The following TRPM7 variants were observed in gnomAD, a reference collection of about 807,000 sequenced individuals.
The protein encoded by TRPM7 is LTRPC ion channel family member 7.
TRPM7 carries 134 observed loss-of-function variants against 229.7 expected under a neutral mutation model. The observed-to-expected ratio is 0.58, with a 90% CI of 0.51 to 0.67. The LOEUF (loss-of-function observed/expected upper bound fraction) is 0.67, where lower values mean the gene tolerates loss of function less well. Ranked by LOEUF, TRPM7 falls within the 30% of genes least tolerant of loss-of-function variation. The pLI, the probability that TRPM7 is intolerant of heterozygous loss-of-function variation, is 0.00. For synonymous variants in TRPM7, 699 were observed against 715.2 expected (o/e 0.98, Z 0.36); for missense variants, 1,901 against 2,210.0 (o/e 0.86, Z 2.80).
Position 50,609,732 on chromosome 15 carries a change from TAAAAA to T in TRPM7, c.2437-13_2437-9del, listed in dbSNP as rs35281039. 2 of 1,381,178 alleles carry T rather than the reference TAAAAA, an allele frequency of 1.4e-6. No homozygotes were observed. The highest frequency in any genetic ancestry group is 2.9e-5 in the African/African-American group (2 of 67,818). The allele number at this position is 1,381,178 out of a possible 1,614,324, so 85.6% of individuals were successfully genotyped here. A position where few individuals can be genotyped will look rare whatever the true frequency, so the allele number is the denominator to read the frequency against. ...TACTTCTTTAAACACTTCCTAAAAT[TAAAAA>T]AAAAAAAATTCTTTTGTACAATTAT... is the stretch of plus-strand genomic sequence containing the variant. On this transcript the variant is annotated splice_polypyrimidine_tract_variant and intron_variant, in intron 18 of 38. Coordinates refer to ENST00000646667, the MANE Select transcript of TRPM7 (RefSeq NM_017672.6).
At chr15:50,617,679 T>C (rs989848907) in intron 13 of TRPM7, among the ~76,000 whole-genome samples, 7 of 152,106 alleles carry the variant, frequency 4.6e-5, no homozygotes, top group Admixed American at 1.3e-4. Context: ...AAGAAGGGTC[T>C]TGATGTGTAC....
intron 3 of TRPM7, among the ~76,000 whole-genome samples, chr15:50,650,649 C>T (rs2061397298): frequency 6.6e-6 from 1 of 151,516 alleles, no homozygotes; most frequent in South Asian, 2.1e-4. Context: ...GAGCCGAGAT[C>T]GTGCCACTGC....
At chr15:50,580,134 T>C (rs1161352531) in intron 30 of TRPM7, among the ~76,000 whole-genome samples, 1 of 152,228 alleles carries the variant, frequency 6.6e-6, no homozygotes, top group East Asian at 1.9e-4. Flanking sequence ...TTCCCCCAAA[T>C]TGGCTTCTCT....
chr15:50,608,068 AAAGAAAG>A (rs1464452692), intron 19 of TRPM7, among the ~76,000 whole-genome samples: 19 of 149,948 alleles, frequency 1.3e-4, no homozygotes, highest in Non-Finnish European at 3.0e-5. Context: ...AAAAAAAAAA[AAAGAAAG>A]AAAGAAAGAA....
intron 3 of TRPM7, among the ~76,000 whole-genome samples, chr15:50,652,072 C>G (rs1413691618): frequency 6.6e-6 from 1 of 151,686 alleles, no homozygotes. Context: ...GTGGCTCATG[C>G]CTGTAATCCC....
At chr15:50,619,864 T>A in intron 12 of TRPM7, 66 bp from the exon 13 acceptor site, 1 of 1,349,498 alleles carries the variant, frequency 7.4e-7, no homozygotes, top group Non-Finnish European at 1.0e-6. Flanking sequence ...CCTTACAGGA[T>A]TTTTATGAAC....
At position 50,591,829 on chromosome 15, in the gene TRPM7, CTT is replaced by C; in HGVS notation, c.4324+80_4324+81del. ...ATTATACTCTATGAAAAGATAATGA[CTT>C]GTAACAGTACATATTTCTATTATTT... On this transcript the variant is annotated intron_variant, in intron 26 of 38. Transcript: ENST00000646667. 2.9e-6 allele frequency: 3 copies of C among 1,018,590 alleles called. No homozygotes were observed. The East Asian group carries it at 8.0e-5, about 27-fold the overall frequency. The allele number at this position is 1,018,590 out of a possible 1,614,324, so 63.1% of individuals were successfully genotyped here.
chr15:50,645,381 A>G (rs2061233367), intron 4 of TRPM7, among the ~76,000 whole-genome samples: 1 of 150,368 alleles, frequency 6.7e-6, no homozygotes, highest in Non-Finnish European at 1.5e-5. Flanking sequence ...TTTTTTTTTG[A>G]CAAAGTCCCG....
At chr15:50,598,775 A>G (rs953025451) in intron 22 of TRPM7, among the ~76,000 whole-genome samples, 1 of 152,218 alleles carries the variant, frequency 6.6e-6, no homozygotes, top group East Asian at 1.9e-4. Flanking sequence ...AGGGAAACTT[A>G]TAGAGTTGGC....
intron 4 of TRPM7, among the ~76,000 whole-genome samples, chr15:50,646,883 C>G (rs182363756): frequency 6.6e-6 from 1 of 152,176 alleles, no homozygotes. Flanking sequence ...TTGTGTTACA[C>G]TGTTACACCT....
intron 38 of TRPM7, among the ~76,000 whole-genome samples, chr15:50,569,529 C>T (rs895581567): frequency 2.6e-5 from 4 of 152,114 alleles, no homozygotes; most frequent in African/African-American, 9.7e-5. Flanking sequence ...GTTTTTTCCT[C>T]TCTCTTGGCA....
Position 50,586,445 on chromosome 15 carries a change from A to G in TRPM7, c.4433T>C (p.Leu1478Pro). Residue 1478 changes from leucine (L) to proline (P), a missense_variant, in exon 28 of 39, where the codon CTT becomes CCT. By Grantham distance (98) the Leu-to-Pro change is moderately conservative (BLOSUM62 -3). Around this residue, in one of 8 missense-constraint regions of TRPM7, gnomAD observed 533 missense variants for 497.1 expected, o/e 1.07. Coordinates refer to ENST00000646667, the MANE Select transcript of TRPM7 (RefSeq NM_017672.6). ...TCTGTGACAGTCAGTAAATCCAGCA[A>G]GAGAACTCACTCGTTTCAAAGTGTT... Reference protein sequence around the residue: ...SENTLKRVSSLAGFTDCHRTS... With the variant: ...SENTLKRVSSPAGFTDCHRTS... 6.2e-7 allele frequency: 1 copy of G among 1,613,450 alleles called. No individual in the cohort carries two copies. The highest frequency in any genetic ancestry group is 8.5e-7 in the Non-Finnish European group (1 of 1,179,484).
intron 13 of TRPM7, among the ~76,000 whole-genome samples, chr15:50,618,588 TA>T (rs2061729722): frequency 2.1e-5 from 3 of 145,014 alleles, no homozygotes; most frequent in African/African-American, 7.4e-5. Context: ...AATAAATAAA[TA>T]AATAAATAAA....
rs2062366134 is a variant in TRPM7, at chr15:50,686,633, G to C, written c.-100C>G. On this transcript the variant is annotated 5_prime_UTR_variant, in exon 1 of 39. Transcript: ENST00000646667. The stretch of plus-strand genomic sequence containing the variant: ...GGAAGCGTCTCCGGAGGCGGCAGCA[G>C]AGGCCGCCGGACAAGGAACGCCCAG... 1 of 1,520,118 alleles carries C rather than the reference G, an allele frequency of 6.6e-7. No homozygotes were observed. Among genetic ancestry groups the C allele is most frequent in the African/African-American group, 1.4e-5 (1 of 71,194 alleles). The allele number at this position is 1,520,118 out of a possible 1,614,324, so 94.2% of individuals were successfully genotyped here.
chr15:50,582,981 T>G (rs1465834205), intron 29 of TRPM7, 108 bp downstream of exon 29: 1 of 762,548 alleles, frequency 1.3e-6, no homozygotes, highest in Non-Finnish European at 1.9e-6. Context: ...TTAAGAAAAA[T>G]TTTTTTGAAT....
intron 20 of TRPM7, among the ~76,000 whole-genome samples, chr15:50,605,686 A>G (rs2059901760): frequency 6.6e-6 from 1 of 152,230 alleles, no homozygotes. Context: ...CTTCTCCCTT[A>G]GCCAATTAAT....
rs75947549 is a variant in TRPM7 at position 50,589,743 on chromosome 15, T to A, written c.4325-87A>T. The A allele has an allele frequency of 0.012, 9,910 of 847,184 alleles. 746 individuals carry two copies. In the African/African-American group the frequency reaches 0.16, roughly 13 times the overall value. The allele number at this position is 847,184 out of a possible 1,614,324, so 52.5% of individuals were successfully genotyped here. A position where few individuals can be genotyped will look rare whatever the true frequency, so the allele number is the denominator to read the frequency against. ...CACTGCTTAAAGTTTATAAAAACAA[T>A]AGGTTTATGCTGTTTTTCAAGTACA... On this transcript the variant is annotated intron_variant, in intron 26 of 38. Coordinates refer to ENST00000646667, the MANE Select transcript of TRPM7 (RefSeq NM_017672.6).
chr15:50,662,081 G>A (rs2414064), intron 2 of TRPM7, among the ~76,000 whole-genome samples: 30,854 of 151,990 alleles, frequency 0.2, 3,533 homozygotes, highest in East Asian at 0.46. Flanking sequence ...AGGGCTGGGC[G>A]CGGTGGCTCA....
At chr15:50,573,074 A>C (rs1457946462) in intron 36 of TRPM7, among the ~76,000 whole-genome samples, 2 of 152,136 alleles carry the variant, frequency 1.3e-5, no homozygotes, top group Non-Finnish European at 2.9e-5. Flanking sequence ...TCTTTCATAT[A>C]TATGAAAGTC....
Sources: allele counts gnomAD v4.1 joint callset (sites outside exome capture counted in the v4.1 genomes callset), GRCh38; gene constraint gnomAD v4.1.1; regional missense constraint gnomAD v4.1.1; transcripts MANE v1.5; gene names NCBI Gene and HGNC (gene_info 2026-07-23, HGNC 2026-07-21).